Variants in CDC7 observed in about 807,000 individuals in gnomAD.
The protein encoded by CDC7 is cell division cycle 7, also known as cell division cycle 7-related protein kinase.
A neutral mutation model predicts 53.5 loss-of-function variants in CDC7; 34 were observed. The ratio of observed to expected loss-of-function variants is 0.64; its 90% confidence interval spans 0.48 to 0.85. CDC7 has a LOEUF of 0.85. Ranked by LOEUF, CDC7 falls within the 40% of genes least tolerant of loss-of-function variation. CDC7 has a pLI of 0.00. For missense variants in CDC7, 594 were observed against 679.7 expected, an observed-to-expected ratio of 0.87 and a Z score of 1.40; for synonymous variants, 211 against 222.8, an observed-to-expected ratio of 0.95 and a Z score of 0.47.
chr1:91,515,823 C>CA lies in CDC7; in HGVS notation c.1128dup (p.Pro377ThrfsTer20). 1 of 1,613,776 alleles carries CA rather than the reference C, an allele frequency of 6.2e-7. No homozygotes were observed. Among genetic ancestry groups the CA allele is most frequent in the Non-Finnish European group, 8.5e-7 (1 of 1,179,812 alleles). On this transcript the variant is annotated frameshift_variant, in exon 10 of 12. Coordinates refer to ENST00000234626, the MANE Select transcript of CDC7 (RefSeq NM_003503.4). LOFTEE classifies it high-confidence loss of function. ...CAGCAGGTTGCCCCTAGGGCAGGTA[C>CA]ACCAGGATTCAGAGCACCAGAGGTC...
rs531030658 is a variant in CDC7, at chr1:91,515,939, A to G, written c.1180+63A>G. 3.2e-5 allele frequency: 42 copies of G among 1,322,136 alleles called. 1 individual carries two copies. The South Asian group carries it at 4.5e-4, about 14-fold the overall frequency. 81.9% of individuals were successfully genotyped at this position (1,322,136 alleles called of 1,614,324 possible). ...GATTGTTCCAGACGTATTTTATTTT[A>G]TGATCTTTGTCTATTTATAACTAAT... On this transcript the variant is annotated intron_variant, in intron 10 of 11. Transcript: ENST00000234626.
At chr1:91,519,475 A>G (rs938738568) in intron 10 of CDC7, among the ~76,000 whole-genome samples, 1 of 152,080 alleles carries the variant, frequency 6.6e-6, no homozygotes, top group African/African-American at 2.4e-5. Context: ...CGTAACACAA[A>G]GGATAAATGC....
Position 91,514,851 on chromosome 1 carries a change from G to C in CDC7, c.951G>C (p.Leu317=). The change falls in exon 9 of 12, where the codon CTG becomes CTC. Residue 317 remains leucine, a synonymous_variant. Transcript: ENST00000234626. ...AGCAGTCAAAGACTGTGGATGTACTGTCTAGAAAGTTAGCAACAAAAAAGA... is the reference window on the plus strand; with the variant it reads ...AGCAGTCAAAGACTGTGGATGTACTCTCTAGAAAGTTAGCAACAAAAAAGA... The part of the protein sequence containing the change: ...LMKQSKTVDV[L]SRKLATKKKA... 6.8e-6 allele frequency: 11 copies of C among 1,612,862 alleles called. No individual in the cohort carries two copies. Among genetic ancestry groups the C allele is most frequent in the Non-Finnish European group, 8.5e-6 (10 of 1,179,368 alleles).
At chr1:91,505,565 G>C (rs754724894) in intron 2 of CDC7, among the ~76,000 whole-genome samples, 1 of 152,190 alleles carries the variant, frequency 6.6e-6, no homozygotes, top group Non-Finnish European at 1.5e-5. Context: ...AGACCTTCAT[G>C]TATAAAATAG....
chr1:91,507,249 C>T (rs1667041118), intron 2 of CDC7, among the ~76,000 whole-genome samples: 2 of 152,126 alleles, frequency 1.3e-5, no homozygotes, highest in South Asian at 4.1e-4. Context: ...GTATTATTGC[C>T]TCCCCTTGTT....
In CDC7 at chr1:91,524,299, C is replaced by G; in HGVS notation, c.1589C>G (p.Thr530Ser). The change falls in exon 12 of 12, where the codon ACC (threonine) becomes AGC (serine). Residue 530 changes from threonine to serine, a missense_variant. Physicochemically the swap from Thr to Ser is moderately conservative, Grantham distance 58. Transcript: ENST00000234626. Reference sequence around the variant, plus strand: ...GAGCATTGTTTTGATGAGTATAATACCAATTTAGAAGGCTGGAATGAGGTA... The same window carrying G: ...GAGCATTGTTTTGATGAGTATAATAGCAATTTAGAAGGCTGGAATGAGGTA... ...SCEHCFDEYN[T>S]NLEGWNEVPD... 1 of 1,613,936 alleles carries G rather than the reference C, an allele frequency of 6.2e-7. No individual in the cohort carries two copies. Among genetic ancestry groups the G allele is most frequent in the Non-Finnish European group, 8.5e-7 (1 of 1,179,930 alleles).
intron 4 of CDC7, among the ~76,000 whole-genome samples, chr1:91,510,298 G>A (rs966154626): frequency 1.6e-4 from 23 of 147,780 alleles, no homozygotes; most frequent in African/African-American, 5.7e-4. Flanking sequence ...TTTTTTTATT[G>A]TCATAGCATC....
chr1:91,516,249 A>G (rs1667554184), intron 10 of CDC7, among the ~76,000 whole-genome samples: 1 of 152,136 alleles, frequency 6.6e-6, no homozygotes, highest in Admixed American at 6.5e-5. Context: ...GACTTAAAGC[A>G]TTTTATTTGC....
At chr1:91,503,803 C>A (rs1666830725) in intron 2 of CDC7, among the ~76,000 whole-genome samples, 1 of 152,058 alleles carries the variant, frequency 6.6e-6, no homozygotes, top group Non-Finnish European at 1.5e-5. Context: ...TACATAGGTA[C>A]ATTTTTTAGA....
In CDC7 at chr1:91,513,268, A is replaced by C. The variant is rs1264797405; in HGVS notation, c.783A>C (p.Thr261=). Residue 261 remains threonine (T), a synonymous_variant, in exon 7 of 12, where the codon ACA becomes ACC. Coordinates refer to ENST00000234626, the MANE Select transcript of CDC7 (RefSeq NM_003503.4). ...TTKASVKRPY[T]NAQIQIKQGK... ...AAGCTTCTGTTAAAAGACCCTACAC[A>C]AATGCACAAATTCAGATTAAACAAG... 4.3e-6 allele frequency: 7 copies of C among 1,613,440 alleles called. No individual in the cohort carries two copies. The highest frequency in any genetic ancestry group is 5.9e-6 in the Non-Finnish European group (7 of 1,179,610).
Position 91,524,674 on chromosome 1 carries a change from T to C in CDC7, c.*239T>C. 2.4e-6 allele frequency: 1 copy of C among 413,146 alleles called. No homozygotes were observed. Among genetic ancestry groups the C allele is most frequent in the Non-Finnish European group, 4.3e-6 (1 of 234,940 alleles). 25.6% of individuals were successfully genotyped at this position (413,146 alleles called of 1,614,324 possible). On this transcript the variant is annotated 3_prime_UTR_variant, in exon 12 of 12. Coordinates refer to ENST00000234626, the MANE Select transcript of CDC7 (RefSeq NM_003503.4). ...CCTACCTAAGTAGATTTTAGGTGGG[T>C]TCCTATTAGGTCAGATTTTTAGCTT...
At chr1:91,513,745 GACTATGATA>G (rs1394958504) in intron 7 of CDC7, among the ~76,000 whole-genome samples, 194 bp from the exon 8 acceptor site, 2 of 152,000 alleles carry the variant, frequency 1.3e-5, no homozygotes, top group African/African-American at 2.4e-5. Flanking sequence ...TATATTTGTG[GACTATGATA>G]ACATTGTATG....
intron 11 of CDC7, among the ~76,000 whole-genome samples, chr1:91,522,684 CT>C (rs1242717156): frequency 1.5e-4 from 23 of 152,144 alleles, no homozygotes; most frequent in Admixed American, 2.6e-4. Flanking sequence ...ATATTCCCCC[CT>C]GGCTATAATT....
chr1:91,510,887 A>G (rs1180201410), intron 4 of CDC7, among the ~76,000 whole-genome samples: 1 of 151,958 alleles, frequency 6.6e-6, no homozygotes, highest in Non-Finnish European at 1.5e-5. Context: ...TTCCTTCAAA[A>G]TTCCTTTCTT....
At chr1:91,520,093 T>C (rs1557600423) in intron 10 of CDC7, 37 bp from the exon 11 acceptor site, 1 of 1,506,044 alleles carries the variant, frequency 6.6e-7, no homozygotes, top group Non-Finnish European at 9.0e-7. Context: ...AAATTATAGA[T>C]TTGAAATTTA....
intron 7 of CDC7, 99 bp downstream of exon 7, chr1:91,513,406 T>TAAA (rs13447511): frequency 1.0e-5 from 11 of 1,061,708 alleles, no homozygotes; most frequent in African/African-American, 1.6e-5. Flanking sequence ...ACTTATAATT[T>TAAA]AAAAAACTTT....
In CDC7 at chr1:91,504,816, C is replaced by T. The variant is rs150094681; in HGVS notation, c.115+2985C>T. ...CTAGAGTGTCAGTTTTAATCCATGA[C>T]AAGATATTGAAAACGTTTCATTTAT... is the stretch of plus-strand genomic sequence containing the variant. On this transcript the variant is annotated intron_variant, in intron 2 of 11. Transcript: ENST00000234626. Among the ~76,000 whole-genome samples, 389 of 152,168 alleles carry T rather than the reference C, an allele frequency of 2.6e-3. 2 individuals are homozygous for T. Among genetic ancestry groups the T allele is most frequent in the African/African-American group, 9.1e-3 (376 of 41,492 alleles).
chr1:91,507,846 C>T lies in CDC7; in HGVS notation c.116-8C>T. The T allele has an allele frequency of 2.3e-6, 3 of 1,320,980 alleles. No individual in the cohort carries two copies. Among genetic ancestry groups the T allele is most frequent in the African/African-American group, 1.5e-5 (1 of 66,976 alleles). 81.8% of individuals were successfully genotyped at this position (1,320,980 alleles called of 1,614,324 possible). On this transcript the variant is annotated splice_region_variant and splice_polypyrimidine_tract_variant and intron_variant, in intron 2 of 11. Coordinates refer to ENST00000234626, the MANE Select transcript of CDC7 (RefSeq NM_003503.4). ...GATTAAAACTCTAAATTTTTGTTTC[C>T]TTGAAAGGTGTTAAAAAAGATATTG...
At chr1:91,515,751 G>C in intron 9 of CDC7, 43 bp from the exon 10 acceptor site, 1 of 1,608,068 alleles carries the variant, frequency 6.2e-7, no homozygotes, top group South Asian at 1.1e-5. Flanking sequence ...GACTTACATA[G>C]TTCAACTTTA....
Sources: allele counts gnomAD v4.1 joint callset (sites outside exome capture counted in the v4.1 genomes callset), GRCh38; gene constraint gnomAD v4.1.1; transcripts MANE v1.5; gene names NCBI Gene and HGNC (gene_info 2026-07-23, HGNC 2026-07-21).